The following FAM118A variants were observed in gnomAD, a reference collection of about 807,000 sequenced individuals.
The protein encoded by FAM118A is protein FAM118A.
In FAM118A, 25 loss-of-function variants were observed where a neutral mutation model predicts 38.2. The observed-to-expected ratio is 0.65, with a 90% confidence interval of 0.48 to 0.91. The LOEUF is 0.91. Among genes scored for constraint, FAM118A ranks in the 40% least tolerant of loss-of-function variants. FAM118A has a pLI of 0.00. For synonymous variants in FAM118A, 178 were observed against 184.1 expected (o/e 0.97, Z 0.27); for missense variants, 425 against 463.3 (o/e 0.92, Z 0.76).
In FAM118A at chr22:45,336,351, A is replaced by G. The variant is rs747467038; in HGVS notation, c.994A>G (p.Lys332Glu). Reference protein sequence around the residue: ...LLGNACQDCAKRKLEENGIEV... With the variant: ...LLGNACQDCAERKLEENGIEV... ...AGGTAATGCATGCCAGGACTGTGCAAAGAGGAAGTTAGAAGAGAATGGAAT... is the reference window on the plus strand; with the variant it reads ...AGGTAATGCATGCCAGGACTGTGCAGAGAGGAAGTTAGAAGAGAATGGAAT... Residue 332 changes from lysine (K) to glutamate (E), a missense_variant, in exon 8 of 9, where the codon AAG (lysine) becomes GAG (glutamate). Lys to Glu is a moderately conservative substitution (Grantham distance 56). Coordinates refer to ENST00000441876, the MANE Select transcript of FAM118A (RefSeq NM_017911.4). The G allele has an allele frequency of 4.3e-6, 7 of 1,613,872 alleles. No homozygotes were observed. In the African/African-American group the frequency reaches 5.3e-5, roughly 12 times the overall value.
intron 3 of FAM118A, among the ~76,000 whole-genome samples, chr22:45,324,079 G>T (rs1196408352): frequency 6.6e-6 from 1 of 152,182 alleles, no homozygotes; most frequent in Non-Finnish European, 1.5e-5. Context: ...TACTGAAGAG[G>T]CACAGTCACC....
chr22:45,336,187 G>GC (rs2086082004), intron 7 of FAM118A, 141 bp from the exon 8 acceptor site: 1 of 586,014 alleles, frequency 1.7e-6, no homozygotes, highest in South Asian at 2.3e-5. Flanking sequence ...TCTTTGGAGA[G>GC]AAGCCGTAGC....
At chr22:45,317,876 G>T (rs2084676040) in intron 1 of FAM118A, among the ~76,000 whole-genome samples, 1 of 152,134 alleles carries the variant, frequency 6.6e-6, no homozygotes, top group Non-Finnish European at 1.5e-5. Flanking sequence ...ACTTGTACTT[G>T]CTTCCCGTTA....
rs1490668452 is a variant in FAM118A, at chr22:45,327,962, G to A, written c.421G>A (p.Gly141Ser). The change falls in exon 4 of 9, where the codon GGC (glycine) becomes AGC (serine). Residue 141 changes from glycine (G) to serine (S), a missense_variant. Transcript: ENST00000441876. Reference sequence around the variant, plus strand: ...GTCGATCCTCAGCCTGATGGACAGGGGCGCCATGGTCCTGACCACCAACTA... The same window carrying A: ...GTCGATCCTCAGCCTGATGGACAGGAGCGCCATGGTCCTGACCACCAACTA... ...LQSILSLMDR[G>S]AMVLTTNYDN... 1 of 1,614,054 alleles carries A rather than the reference G, an allele frequency of 6.2e-7. No homozygotes were observed.
intron 1 of FAM118A, among the ~76,000 whole-genome samples, chr22:45,310,533 C>T (rs2084317562): frequency 6.6e-6 from 1 of 152,124 alleles, no homozygotes; most frequent in South Asian, 2.1e-4. Flanking sequence ...GCCGTGGTTC[C>T]CAGTGTCCTT....
intron 6 of FAM118A, among the ~76,000 whole-genome samples, chr22:45,333,457 G>A (rs1437320139): frequency 6.6e-6 from 1 of 151,998 alleles, no homozygotes; most frequent in African/African-American, 2.4e-5. Flanking sequence ...GGTGGATCAC[G>A]AGGTCAGGAG....
At chr22:45,313,922 TAGTAGGAAGC>T (rs1210072400) in intron 1 of FAM118A, among the ~76,000 whole-genome samples, 3 of 152,198 alleles carry the variant, frequency 2.0e-5, no homozygotes, top group Admixed American at 2.0e-4. Context: ...ATCTAGGGTG[TAGTAGGAAGC>T]ACACTGTTCC....
chr22:45,319,242 T>C (rs2146608639), intron 1 of FAM118A, among the ~76,000 whole-genome samples: 1 of 152,320 alleles, frequency 6.6e-6, no homozygotes, highest in East Asian at 1.9e-4. Flanking sequence ...GGTTGACCAG[T>C]GCGTGTTTAA....
chr22:45,323,163 C>G lies in FAM118A; in HGVS notation c.48-12C>G. 1 of 1,607,392 alleles carries G rather than the reference C, an allele frequency of 6.2e-7. No individual in the cohort carries two copies. On this transcript the variant is annotated splice_polypyrimidine_tract_variant and intron_variant, in intron 2 of 8. Coordinates refer to ENST00000441876, the MANE Select transcript of FAM118A (RefSeq NM_017911.4). ...TTGACTTTCATTCTCTTGCTCCCTT[C>G]TTTTCAAGTAGAAAGTTTTTAAAAA...
At chr22:45,332,324 C>G in intron 5 of FAM118A, 101 bp from the exon 6 acceptor site, 1 of 1,284,882 alleles carries the variant, frequency 7.8e-7, no homozygotes, top group South Asian at 1.4e-5. Flanking sequence ...GAACGCCTGT[C>G]AGGGAGCAGT....
intron 8 of FAM118A, among the ~76,000 whole-genome samples, chr22:45,339,860 T>C (rs998705): frequency 0.41 from 61,655 of 152,072 alleles, 14,945 homozygotes; most frequent in Non-Finnish European, 0.55. Context: ...GGGCAGGGGT[T>C]TTCTTCAATA....
chr22:45,341,337 G>A lies in FAM118A; in HGVS notation c.*932G>A, dbSNP rs1445114715. On this transcript the variant is annotated 3_prime_UTR_variant, in exon 9 of 9. Coordinates refer to ENST00000441876, the MANE Select transcript of FAM118A (RefSeq NM_017911.4). ...AAGAACTGAAATCGGAGGAGCCAGA[G>A]GCCCTTTTCAGTCCAGGCCAACATT... The A allele has an allele frequency of 6.6e-6, 1 of 152,200 alleles. No homozygotes were observed. Among genetic ancestry groups the A allele is most frequent in the Non-Finnish European group, 1.5e-5 (1 of 68,038 alleles). 9.4% of individuals were successfully genotyped at this position (152,200 alleles called of 1,614,324 possible). A position where few individuals can be genotyped will look rare whatever the true frequency, so the allele number is the denominator to read the frequency against.
upstream of FAM118A, chr22:45,309,486 C>G (rs1234286420): frequency 6.6e-6 from 1 of 152,372 alleles, no homozygotes; most frequent in Non-Finnish European, 1.5e-5. Context: ...GGACGGAGAC[C>G]AGCCTCAGGT....
intron 1 of FAM118A, among the ~76,000 whole-genome samples, chr22:45,311,305 C>T (rs1234896589): frequency 1.3e-5 from 2 of 152,178 alleles, no homozygotes; most frequent in Non-Finnish European, 2.9e-5. Flanking sequence ...CTGGAGCACA[C>T]CTAATGAAGG....
At chr22:45,335,054 C>T in intron 6 of FAM118A, 2 of 426,188 alleles carry the variant, frequency 4.7e-6, no homozygotes, top group Non-Finnish European at 8.3e-6. Flanking sequence ...TACTCGAATT[C>T]ATGGAGTGCC....
chr22:45,327,902 C>T lies in FAM118A; in HGVS notation c.361C>T (p.Leu121=), dbSNP rs764868727. ...QDCLMEVFDD[L]EQHIRSPVVL... is the part of the protein sequence containing the mutation. The stretch of plus-strand genomic sequence containing the variant: ...CTGCCTGATGGAGGTGTTTGACGAC[C>T]TGGAGCAGCACATCCGGAGTCCTGT... Residue 121 remains leucine, a synonymous_variant, in exon 4 of 9, where the codon CTG becomes TTG. Transcript: ENST00000441876. 1 of 1,614,256 alleles carries T rather than the reference C, an allele frequency of 6.2e-7. No homozygotes were observed. Among genetic ancestry groups the T allele is most frequent in the South Asian group, 1.1e-5 (1 of 91,084 alleles).
At chr22:45,326,938 A>C (rs1175435946) in intron 3 of FAM118A, among the ~76,000 whole-genome samples, 1 of 151,048 alleles carries the variant, frequency 6.6e-6, no homozygotes, top group Non-Finnish European at 1.5e-5. Context: ...TGAGCCTGGG[A>C]GATCAAGGCT....
intron 1 of FAM118A, among the ~76,000 whole-genome samples, chr22:45,319,907 A>C (rs1360567064): frequency 6.6e-6 from 1 of 152,104 alleles, no homozygotes; most frequent in Non-Finnish European, 1.5e-5. Flanking sequence ...TTGCCTGTGG[A>C]CTGTGATTTC....
At chr22:45,333,563 A>T (rs976576055) in intron 6 of FAM118A, among the ~76,000 whole-genome samples, 3 of 151,760 alleles carry the variant, frequency 2.0e-5, no homozygotes, top group Middle Eastern at 3.4e-3. Flanking sequence ...AGTCCCAGCT[A>T]CTCAGGAGGC....
Sources: allele counts gnomAD v4.1 joint callset (sites outside exome capture counted in the v4.1 genomes callset), GRCh38; gene constraint gnomAD v4.1.1; transcripts MANE v1.5; gene names NCBI Gene and HGNC (gene_info 2026-07-23, HGNC 2026-07-21).